Variants in UTRN observed in about 807,000 individuals in gnomAD.
UTRN encodes the protein utrophin.
A neutral mutation model predicts 463.9 loss-of-function variants in UTRN; 283 were observed. The ratio of observed to expected loss-of-function variants is 0.61; its 90% CI spans 0.55 to 0.67. UTRN has a LOEUF of 0.67. Among genes scored for constraint, UTRN ranks in the 30% least tolerant of loss-of-function variants. The pLI, the probability that UTRN is intolerant of heterozygous loss-of-function variation, is 0.00. For synonymous variants in UTRN, 1,442 were observed against 1,431.5 expected, an observed-to-expected ratio of 1.01 and a Z score of -0.17; for missense variants, 3,922 against 4,084.3, an observed-to-expected ratio of 0.96 and a Z score of 1.08.
chr6:144,541,968 T>G (rs1400651579), intron 45 of UTRN, among the ~76,000 whole-genome samples: 2 of 152,158 alleles, frequency 1.3e-5, no homozygotes, highest in African/African-American at 4.8e-5. Context: ...AGTAGCCCAC[T>G]GTAGAATGGA....
At chr6:144,815,155 TC>T (rs1455837287) in intron 65 of UTRN, among the ~76,000 whole-genome samples, 1 of 152,204 alleles carries the variant, frequency 6.6e-6, no homozygotes, top group African/African-American at 2.4e-5. Flanking sequence ...CATTAAAATC[TC>T]ATGATATTTA....
intron 66 of UTRN, among the ~76,000 whole-genome samples, chr6:144,824,162 G>A (rs1473439279): frequency 6.6e-6 from 1 of 152,048 alleles, no homozygotes; most frequent in Non-Finnish European, 1.5e-5. Context: ...AGTGGAGAGA[G>A]AAGATGGAAC....
At chr6:144,367,938 C>A (rs929907145) in intron 2 of UTRN, among the ~76,000 whole-genome samples, 1 of 152,098 alleles carries the variant, frequency 6.6e-6, no homozygotes, top group East Asian at 1.9e-4. Flanking sequence ...CCCGCCACCA[C>A]GCCTGGCTGA....
chr6:144,481,237 G>A (rs1311086635), intron 26 of UTRN, among the ~76,000 whole-genome samples: 1 of 152,170 alleles, frequency 6.6e-6, no homozygotes, highest in East Asian at 1.9e-4. Context: ...AAGTAGTAGA[G>A]AAAAGTAAAG....
intron 17 of UTRN, among the ~76,000 whole-genome samples, chr6:144,449,840 C>T (rs1323566565): frequency 6.6e-6 from 1 of 152,110 alleles, no homozygotes; most frequent in Admixed American, 6.5e-5. Context: ...CCAGCCTCAC[C>T]CTTTGTTAGC....
At chr6:144,369,779 C>T (rs149049933) in intron 2 of UTRN, among the ~76,000 whole-genome samples, 104 of 152,268 alleles carry the variant, frequency 6.8e-4, no homozygotes, top group African/African-American at 2.4e-3. Flanking sequence ...ATTATGAGGG[C>T]AGGTTTTTCC....
At chr6:144,623,597 TA>T (rs1775656107) in intron 51 of UTRN, among the ~76,000 whole-genome samples, 1 of 152,240 alleles carries the variant, frequency 6.6e-6, no homozygotes, top group South Asian at 2.1e-4. Context: ...CTCTTTCAGA[TA>T]GATTACTAAG....
chr6:144,804,897 G>T (rs1341958878), intron 65 of UTRN, among the ~76,000 whole-genome samples: 1 of 152,134 alleles, frequency 6.6e-6, no homozygotes, highest in African/African-American at 2.4e-5. Context: ...TCAGGTGTTG[G>T]CTAGAGTGAA....
intron 58 of UTRN, among the ~76,000 whole-genome samples, chr6:144,758,719 A>G (rs1368946331): frequency 6.6e-6 from 1 of 152,142 alleles, no homozygotes; most frequent in Non-Finnish European, 1.5e-5. Context: ...TTCTACTTCT[A>G]TAGTCCCTTG....
At chr6:144,635,516 T>TG (rs1777047371) in intron 51 of UTRN, among the ~76,000 whole-genome samples, 48 of 81,382 alleles carry the variant, frequency 5.9e-4, no homozygotes, top group Non-Finnish European at 1.1e-3. Flanking sequence ...TTTTTTTTCT[T>TG]TTTTTTTTTT....
intron 28 of UTRN, 44 bp from the exon 29 acceptor site, chr6:144,487,504 C>G: frequency 2.0e-6 from 3 of 1,535,246 alleles, no homozygotes; most frequent in Non-Finnish European, 2.6e-6. Flanking sequence ...TACCTTTTGC[C>G]TTAGTAAATG....
chr6:144,579,025 A>G (rs955159605), intron 51 of UTRN, among the ~76,000 whole-genome samples: 2 of 152,198 alleles, frequency 1.3e-5, no homozygotes, highest in African/African-American at 4.8e-5. Flanking sequence ...CTTATTTATA[A>G]ATTGTCCCTG....
chr6:144,805,580 A>G (rs1191744870), intron 65 of UTRN, among the ~76,000 whole-genome samples: 3 of 152,184 alleles, frequency 2.0e-5, no homozygotes, highest in South Asian at 4.1e-4. Context: ...CAAGGGGCGC[A>G]TGGAAAGGAG....
intron 52 of UTRN, among the ~76,000 whole-genome samples, chr6:144,686,237 T>G (rs948999436): frequency 2.6e-5 from 4 of 152,208 alleles, no homozygotes; most frequent in Non-Finnish European, 5.9e-5. Context: ...GGTTCTCTAT[T>G]CTGCTTCATT....
intron 64 of UTRN, among the ~76,000 whole-genome samples, chr6:144,800,886 G>C (rs764948821): frequency 6.6e-6 from 1 of 152,134 alleles, no homozygotes; most frequent in Admixed American, 6.6e-5. Context: ...GACAGAACAG[G>C]ATTCTTCAGA....
intron 2 of UTRN, among the ~76,000 whole-genome samples, chr6:144,388,277 A>G (rs1000869301): frequency 2.0e-5 from 3 of 151,956 alleles, no homozygotes; most frequent in Non-Finnish European, 2.9e-5. Context: ...ATGTCTTTCC[A>G]TATTCATTAT....
intron 2 of UTRN, among the ~76,000 whole-genome samples, chr6:144,391,232 C>T (rs778321638): frequency 1.3e-5 from 2 of 152,106 alleles, no homozygotes; most frequent in Non-Finnish European, 2.9e-5. Flanking sequence ...CCACCATACC[C>T]AGACACTTTT....
At chr6:144,440,519 G>A in intron 13 of UTRN, 48 bp downstream of exon 13, 1 of 1,611,912 alleles carries the variant, frequency 6.2e-7, no homozygotes, top group South Asian at 1.1e-5. Flanking sequence ...TGTGGTCTGA[G>A]ACCCAATTAC....
chr6:144,629,266 A>G (rs1776266240), intron 51 of UTRN, among the ~76,000 whole-genome samples: 1 of 152,162 alleles, frequency 6.6e-6, no homozygotes, highest in African/African-American at 2.4e-5. Context: ...GTAGTAAAAA[A>G]TCTAGTGTAC....
Sources: allele counts gnomAD v4.1 joint callset (sites outside exome capture counted in the v4.1 genomes callset), GRCh38; gene constraint gnomAD v4.1.1; transcripts MANE v1.5; gene names NCBI Gene and HGNC (gene_info 2026-07-23, HGNC 2026-07-21).